NUP155: variants seen among roughly 807,000 people sequenced by gnomAD.
NUP155 encodes nuclear pore complex protein Nup155.
A neutral mutation model predicts 180.4 loss-of-function variants in NUP155; 71 were observed. The ratio of observed to expected loss-of-function variants is 0.39; its 90% CI spans 0.33 to 0.48. The LOEUF (loss-of-function observed/expected upper bound fraction) is 0.48. Ranked by LOEUF, NUP155 falls within the 20% of genes least tolerant of loss-of-function variation. NUP155 has a pLI of 0.91. For missense variants in NUP155, 1,553 were observed against 1,648.9 expected (o/e 0.94, Z 1.01); for synonymous variants, 582 against 559.5 (o/e 1.04, Z -0.57).
rs1018506060 is a variant in NUP155, at chr5:37,371,071, G to T, written c.-94C>A. ...AAGTTAGCTTAGATCCGCCGCCTAG[G>T]GCGCGCGCGCCAAACGAGCGCCTTG... On this transcript the variant is annotated 5_prime_UTR_variant, in exon 1 of 35. Coordinates refer to ENST00000231498, the MANE Select transcript of NUP155 (RefSeq NM_153485.3). The T allele has an allele frequency of 1.5e-5, 21 of 1,392,190 alleles. No homozygotes were observed. The highest frequency in any genetic ancestry group is 2.0e-4 in the Middle Eastern group (1 of 4,976). The allele number at this position is 1,392,190 out of a possible 1,614,324, so 86.2% of individuals were successfully genotyped here.
At chr5:37,335,777 C>T (rs550779256) in intron 12 of NUP155, among the ~76,000 whole-genome samples, 2 of 152,200 alleles carry the variant, frequency 1.3e-5, no homozygotes, top group East Asian at 3.9e-4. Context: ...TGGCAAAACC[C>T]TGTCTCTACT....
chr5:37,314,091 A>G, intron 22 of NUP155, 107 bp downstream of exon 22: 1 of 808,610 alleles, frequency 1.2e-6, no homozygotes, highest in South Asian at 1.7e-5. Flanking sequence ...TAACTTCATC[A>G]TAACTTAAAT....
intron 29 of NUP155, 52 bp from the exon 30 acceptor site, chr5:37,301,602 T>C (rs747186992): frequency 7.2e-6 from 8 of 1,108,686 alleles, no homozygotes; most frequent in Admixed American, 1.7e-5. Flanking sequence ...TAAATCAACA[T>C]ACGTTTGAAA....
intron 30 of NUP155, among the ~76,000 whole-genome samples, chr5:37,300,339 T>C (rs1742798221): frequency 6.6e-6 from 1 of 152,210 alleles, no homozygotes; most frequent in Non-Finnish European, 1.5e-5. Context: ...TTATTGACTA[T>C]AGTCACCCTA....
rs765220164 is a variant in NUP155 at position 37,327,661 on chromosome 5, A to G, written c.1992T>C (p.Asn664=). 1.9e-6 allele frequency: 3 copies of G among 1,614,024 alleles called. No individual in the cohort carries two copies. Among genetic ancestry groups the G allele is most frequent in the South Asian group, 2.2e-5 (2 of 91,082 alleles). ...TCCGAGAAAAGTAAATGCAAATACC[A>G]TTGTGTTTTCCAGAGTACACAATCT... ...GPEIVYSGKH[N]GICIYFSRIM... Residue 664 remains asparagine (N), a synonymous_variant, in exon 18 of 35, where the codon AAT becomes AAC. Transcript: ENST00000231498.
chr5:37,330,140 A>C lies in NUP155; in HGVS notation c.1630-8T>G, dbSNP rs903925776. On this transcript the variant is annotated splice_polypyrimidine_tract_variant and splice_region_variant and intron_variant, in intron 14 of 34. Coordinates refer to ENST00000231498, the MANE Select transcript of NUP155 (RefSeq NM_153485.3). ...TGCACAAGCCTGGTCTTCCTGTGTA[A>C]AAAGAGGAATATTGGCCTTATATTA... 4.4e-6 allele frequency: 7 copies of C among 1,598,464 alleles called. No individual in the cohort carries two copies. Among genetic ancestry groups the C allele is most frequent in the Non-Finnish European group, 6.0e-6 (7 of 1,167,492 alleles).
Position 37,298,875 on chromosome 5 carries a change from A to G in NUP155, c.3786T>C (p.Phe1262=), listed in dbSNP as rs1416450034. 4 of 1,581,120 alleles carry G rather than the reference A, an allele frequency of 2.5e-6. No individual in the cohort carries two copies. The highest frequency in any genetic ancestry group is 3.5e-6 in the Non-Finnish European group (4 of 1,150,094). ...CCTAAGATCACAGCTTACCTAAAGG[A>G]AAGAAGCGTGGTGTGCCAGCATAAA... The part of the protein sequence containing the change: ...GKIYAGTPRF[F]PLDFIVQFLE... The change falls in exon 32 of 35, where the codon TTT becomes TTC. Residue 1262 remains phenylalanine (F), a synonymous_variant. Transcript: ENST00000231498.
intron 11 of NUP155, among the ~76,000 whole-genome samples, chr5:37,338,376 C>T (rs1037507632): frequency 6.7e-6 from 1 of 148,860 alleles, no homozygotes; most frequent in East Asian, 2.0e-4. Flanking sequence ...CAACTTAAAA[C>T]TAGCATATAT....
chr5:37,339,816 T>C (rs529123399), intron 11 of NUP155, among the ~76,000 whole-genome samples: 3 of 152,244 alleles, frequency 2.0e-5, no homozygotes, highest in Non-Finnish European at 4.4e-5. Flanking sequence ...CATGCTAGAG[T>C]GCAGCGGTAG....
chr5:37,332,874 T>C (rs1745069501), intron 13 of NUP155, among the ~76,000 whole-genome samples: 1 of 151,938 alleles, frequency 6.6e-6, no homozygotes, highest in South Asian at 2.1e-4. Flanking sequence ...GGAGGATCCC[T>C]TGAGCCTGGG....
At chr5:37,337,142 G>A (rs143577665) in intron 12 of NUP155, among the ~76,000 whole-genome samples, 132 of 152,228 alleles carry the variant, frequency 8.7e-4, no homozygotes, top group Non-Finnish European at 1.6e-3. Flanking sequence ...ATGGGCAGCT[G>A]GGGGCAGGGG....
At chr5:37,337,751 T>C (rs1185008057) in intron 12 of NUP155, 67 bp downstream of exon 12, 1 of 925,160 alleles carries the variant, frequency 1.1e-6, no homozygotes. Flanking sequence ...AAGATAAAAG[T>C]TTCTTCCATA....
intron 24 of NUP155, among the ~76,000 whole-genome samples, chr5:37,307,830 G>A (rs1460307050): frequency 6.6e-6 from 1 of 151,470 alleles, no homozygotes; most frequent in Non-Finnish European, 1.5e-5. Context: ...GCTGAGGCAG[G>A]AGAATCACTT....
In NUP155 at chr5:37,350,395, T is replaced by A. The variant is rs1746378054; in HGVS notation, c.724-130A>T. The stretch of plus-strand genomic sequence containing the variant: ...CAGTTATAATCACTAATACCAGTTA[T>A]AATCAACAAAACGAGACATATTATT... On this transcript the variant is annotated intron_variant, in intron 6 of 34. Coordinates refer to ENST00000231498, the MANE Select transcript of NUP155 (RefSeq NM_153485.3). The A allele has an allele frequency of 4.5e-6, 3 of 660,190 alleles. No individual in the cohort carries two copies. The South Asian group carries it at 5.3e-5, about 12-fold the overall frequency. 40.9% of individuals were successfully genotyped at this position (660,190 alleles called of 1,614,324 possible). A position where few individuals can be genotyped will look rare whatever the true frequency, so the allele number is the denominator to read the frequency against.
intron 3 of NUP155, among the ~76,000 whole-genome samples, chr5:37,361,758 ATAAG>A (rs1429165810): frequency 6.6e-6 from 1 of 152,220 alleles, no homozygotes; most frequent in Non-Finnish European, 1.5e-5. Context: ...ATTTTTTAAA[ATAAG>A]TACATTCTTC....
At chr5:37,329,309 C>T (rs746182929) in intron 15 of NUP155, 31 bp from the exon 16 acceptor site, 6 of 1,544,306 alleles carry the variant, frequency 3.9e-6, no homozygotes, top group Non-Finnish European at 5.4e-6. Flanking sequence ...TGAGTTTATT[C>T]AGTAAAACAA....
chr5:37,342,288 C>T (rs765787261), intron 10 of NUP155: 43 of 365,196 alleles, frequency 1.2e-4, no homozygotes, highest in Non-Finnish European at 1.9e-4. Flanking sequence ...CTCAGGCAAT[C>T]TGCCTGCCTT....
chr5:37,342,506 A>G lies in NUP155; in HGVS notation c.1093+43T>C, dbSNP rs984659172. ...AATTTCCAAATCTAAGAATTTTCAG[A>G]AGTTGTAACAGTAATAGCAGATATG... On this transcript the variant is annotated intron_variant, in intron 10 of 34. Transcript: ENST00000231498. 6 of 1,198,540 alleles carry G rather than the reference A, an allele frequency of 5.0e-6. No homozygotes were observed. In the Admixed American group the frequency reaches 1.0e-4, roughly 21 times the overall value. 74.2% of individuals were successfully genotyped at this position (1,198,540 alleles called of 1,614,324 possible).
At chr5:37,360,818 C>T (rs1747161797) in intron 3 of NUP155, among the ~76,000 whole-genome samples, 1 of 151,154 alleles carries the variant, frequency 6.6e-6, no homozygotes, top group Admixed American at 6.6e-5. Context: ...TGGCTTACAC[C>T]TGTAATCCCA....
Sources: gnomAD v4.1 joint callset for allele counts (sites outside exome capture counted in the v4.1 genomes callset) on GRCh38, gnomAD v4.1.1 for gene constraint, MANE v1.5 for transcripts, NCBI Gene and HGNC (gene_info 2026-07-23, HGNC 2026-07-21) for gene names.